Variants in SEMA6D observed in about 807,000 individuals in gnomAD.
The protein encoded by SEMA6D is semaphorin 6D.
In SEMA6D, 35 loss-of-function variants were observed where a neutral mutation model predicts 106.6. That is an observed-to-expected ratio of 0.33 (90% CI 0.25 to 0.44). SEMA6D has a LOEUF of 0.44. SEMA6D is among the 20% of genes least tolerant of loss of function. The pLI, the probability that SEMA6D is intolerant of heterozygous loss-of-function variation, is 1.00. For missense variants in SEMA6D, 1,185 were observed against 1,345.9 expected, an observed-to-expected ratio of 0.88 and a Z score of 1.87; for synonymous variants, 499 against 487.7, an observed-to-expected ratio of 1.02 and a Z score of -0.31.
chr15:47,388,201 C>A (rs1273612019), intron 1 of SEMA6D, among the ~76,000 whole-genome samples: 1 of 152,020 alleles, frequency 6.6e-6, no homozygotes, highest in Non-Finnish European at 1.5e-5. Context: ...AATATATACC[C>A]ATAAAATTAA....
chr15:47,242,407 T>G (rs2141789554), intron 1 of SEMA6D, among the ~76,000 whole-genome samples: 1 of 152,306 alleles, frequency 6.6e-6, no homozygotes, highest in South Asian at 2.1e-4. Context: ...TCCTCAAAGC[T>G]GAGCTGCTTA....
chr15:47,558,499 A>G (rs2142597448), intron 3 of SEMA6D, among the ~76,000 whole-genome samples: 2 of 152,142 alleles, frequency 1.3e-5, no homozygotes, highest in East Asian at 1.9e-4. Flanking sequence ...TGAAGGAGGT[A>G]TTTTATCCAG....
chr15:47,358,173 G>T (rs558846640), intron 1 of SEMA6D, among the ~76,000 whole-genome samples: 1 of 152,172 alleles, frequency 6.6e-6, no homozygotes, highest in African/African-American at 2.4e-5. Context: ...AGATTGTGTG[G>T]CTACCATATG....
intron 1 of SEMA6D, among the ~76,000 whole-genome samples, chr15:47,227,413 TTCTTTC>T (rs1342048105): frequency 1.2e-4 from 6 of 51,144 alleles, no homozygotes; most frequent in Admixed American, 2.4e-4. Context: ...ATGTCTTTCT[TTCTTTC>T]TCTTTCTTTC....
At chr15:47,691,318 G>A (rs530032027) in intron 4 of SEMA6D, among the ~76,000 whole-genome samples, 29 of 152,226 alleles carry the variant, frequency 1.9e-4, no homozygotes, top group African/African-American at 6.3e-4. Context: ...CTTGAAGGGA[G>A]GGCAGGAAGT....
At chr15:47,476,634 T>C (rs1290243319) in intron 3 of SEMA6D, among the ~76,000 whole-genome samples, 1 of 151,980 alleles carries the variant, frequency 6.6e-6, no homozygotes, top group African/African-American at 2.4e-5. Flanking sequence ...AGACAAACAC[T>C]GGGAATGGGG....
chr15:47,271,723 C>A (rs1447344308), intron 1 of SEMA6D, among the ~76,000 whole-genome samples: 5 of 151,892 alleles, frequency 3.3e-5, no homozygotes, highest in African/African-American at 7.3e-5. Flanking sequence ...AAAGGTATGG[C>A]AGAACTGAAA....
chr15:47,317,874 T>C lies in SEMA6D; in HGVS notation c.-238-94519T>C, dbSNP rs8040530. On this transcript the variant is annotated intron_variant, in intron 1 of 19. Transcript: ENST00000558014. The stretch of plus-strand genomic sequence containing the variant: ...ATGTTGTTTGCTTTTCTCCGAGCTT[T>C]TGGGATCTATAATTTTGAGTTTGTC... Among the ~76,000 whole-genome samples, 8,802 of 152,160 alleles carry C rather than the reference T, an allele frequency of 0.058. 1,225 individuals carry two copies. In the East Asian group the frequency reaches 0.6, roughly 10 times the overall value.
At chr15:47,684,083 C>A (rs7169110) in intron 4 of SEMA6D, among the ~76,000 whole-genome samples, 79,607 of 151,938 alleles carry the variant, frequency 0.52, 23,357 homozygotes, top group African/African-American at 0.81. Context: ...GCAGAAAGAA[C>A]AGCATTATAA....
chr15:47,504,829 A>G (rs1037060280), intron 3 of SEMA6D, among the ~76,000 whole-genome samples: 6 of 152,120 alleles, frequency 3.9e-5, no homozygotes, highest in African/African-American at 1.4e-4. Context: ...GTCTGGTTTT[A>G]CCAGTCACTT....
chr15:47,458,476 T>C (rs1214538278), intron 2 of SEMA6D, among the ~76,000 whole-genome samples: 1 of 151,984 alleles, frequency 6.6e-6, no homozygotes, highest in Non-Finnish European at 1.5e-5. Context: ...AGAAGTCTTA[T>C]TAATTTAAAA....
At chr15:47,357,028 A>G (rs935938300) in intron 1 of SEMA6D, among the ~76,000 whole-genome samples, 3 of 152,138 alleles carry the variant, frequency 2.0e-5, no homozygotes, top group African/African-American at 7.2e-5. Context: ...ACATGCATTA[A>G]TGCTTACATA....
At chr15:47,331,000 A>G (rs1047151416) in intron 1 of SEMA6D, among the ~76,000 whole-genome samples, 1 of 152,202 alleles carries the variant, frequency 6.6e-6, no homozygotes, top group African/African-American at 2.4e-5. Flanking sequence ...GTGTTGCCCT[A>G]TTTCAGTCTT....
At chr15:47,684,864 T>G (rs1435801806) in intron 4 of SEMA6D, among the ~76,000 whole-genome samples, 4 of 152,194 alleles carry the variant, frequency 2.6e-5, no homozygotes, top group African/African-American at 9.7e-5. Context: ...CATGAACTGA[T>G]TTGGAAATAT....
intron 1 of SEMA6D, among the ~76,000 whole-genome samples, chr15:47,354,823 C>T (rs143316715): frequency 9.2e-5 from 14 of 151,900 alleles, no homozygotes; most frequent in Admixed American, 2.6e-4. Context: ...GGCAGCTCAC[C>T]GGCAGGAAAA....
intron 2 of SEMA6D, among the ~76,000 whole-genome samples, chr15:47,456,413 CA>C (rs1158983466): frequency 3.3e-5 from 5 of 151,464 alleles, no homozygotes; most frequent in Admixed American, 6.6e-5. Context: ...ATTTTATCAC[CA>C]AAAAAATATT....
In SEMA6D at chr15:47,280,431, A is replaced by T. The variant is rs190792564; in HGVS notation, c.-239+96013A>T. On this transcript the variant is annotated intron_variant, in intron 1 of 19. Transcript: ENST00000558014. ...ATTCTTCTCTCTTTTTTTCTTTATTAGTGTTGCTAGTGGTTTATCAATTTT... is the reference window on the plus strand; with the variant it reads ...ATTCTTCTCTCTTTTTTTCTTTATTTGTGTTGCTAGTGGTTTATCAATTTT... 3.7e-3 allele frequency among the ~76,000 whole-genome samples: 552 copies of T among 149,286 alleles called. 1 individual carries two copies. The highest frequency in any genetic ancestry group is 0.013 in the African/African-American group (527 of 40,404).
chr15:47,632,413 A>G (rs918387958), intron 4 of SEMA6D, among the ~76,000 whole-genome samples: 3 of 151,766 alleles, frequency 2.0e-5, no homozygotes, highest in East Asian at 3.8e-4. Context: ...TGAAGTCTCC[A>G]GCTATAATTG....
chr15:47,762,398 A>G (rs903061764), intron 8 of SEMA6D, 79 bp downstream of exon 8: 19 of 1,513,370 alleles, frequency 1.3e-5, no homozygotes, highest in Non-Finnish European at 1.7e-5. Flanking sequence ...GGCCATCAAG[A>G]GGTTCAGCGC....
Sources: allele counts gnomAD v4.1 joint callset (sites outside exome capture counted in the v4.1 genomes callset), GRCh38; gene constraint gnomAD v4.1.1; transcripts MANE v1.5; gene names NCBI Gene and HGNC (gene_info 2026-07-23, HGNC 2026-07-21).